ZDHHC17: variants seen among roughly 807,000 people sequenced by gnomAD.
ZDHHC17 encodes the protein palmitoyltransferase ZDHHC17.
Under a neutral mutation model 90.3 loss-of-function variants are expected in ZDHHC17, and 40 were observed. The ratio of observed to expected loss-of-function variants is 0.44; its 90% CI spans 0.34 to 0.58. The LOEUF (loss-of-function observed/expected upper bound fraction) is 0.58. Ranked by LOEUF, ZDHHC17 falls within the 20% of genes least tolerant of loss-of-function variation. The pLI is 0.01. For synonymous variants in ZDHHC17, 235 were observed against 252.4 expected (o/e 0.93, Z 0.65); for missense variants, 614 against 780.8 (o/e 0.79, Z 2.55).
intron 9 of ZDHHC17, among the ~76,000 whole-genome samples, chr12:76,828,113 T>C (rs575957740): frequency 6.6e-6 from 1 of 152,230 alleles, no homozygotes; most frequent in African/African-American, 2.4e-5. Context: ...AGTTATTGAC[T>C]TTAAGAGAAT....
At chr12:76,826,202 A>G (rs1286392119) in intron 8 of ZDHHC17, among the ~76,000 whole-genome samples, 1 of 152,208 alleles carries the variant, frequency 6.6e-6, no homozygotes, top group East Asian at 1.9e-4. Context: ...GGGCTCTTAC[A>G]TGGAAGAGGC....
chr12:76,818,375 A>C (rs1953115602), intron 7 of ZDHHC17, among the ~76,000 whole-genome samples: 2 of 152,218 alleles, frequency 1.3e-5, no homozygotes, highest in African/African-American at 4.8e-5. Context: ...TTCGTTCAGC[A>C]AATTCTTATT....
chr12:76,808,540 G>T (rs957769310), intron 3 of ZDHHC17, among the ~76,000 whole-genome samples: 8 of 152,054 alleles, frequency 5.3e-5, no homozygotes, highest in Non-Finnish European at 1.0e-4. Context: ...TACTAAAGTT[G>T]CTATTTCCTT....
At chr12:76,792,674 TCTGA>T (rs1768525537) in intron 1 of ZDHHC17, among the ~76,000 whole-genome samples, 1 of 152,062 alleles carries the variant, frequency 6.6e-6, no homozygotes, top group Non-Finnish European at 1.5e-5. Flanking sequence ...AAAAAAACCT[TCTGA>T]CTGTCAACTA....
intron 8 of ZDHHC17, among the ~76,000 whole-genome samples, chr12:76,824,596 T>G (rs1227256240): frequency 6.6e-6 from 1 of 152,176 alleles, no homozygotes; most frequent in African/African-American, 2.4e-5. Flanking sequence ...CAATAGTGTT[T>G]TATTTTAAAA....
chr12:76,777,023 C>T (rs1168375177), intron 1 of ZDHHC17, among the ~76,000 whole-genome samples: 2 of 152,124 alleles, frequency 1.3e-5, no homozygotes, highest in Non-Finnish European at 2.9e-5. Flanking sequence ...CCTTGATTCT[C>T]CCAGTGGTAA....
intron 2 of ZDHHC17, among the ~76,000 whole-genome samples, chr12:76,804,711 C>G (rs1952934537): frequency 6.6e-6 from 1 of 152,174 alleles, no homozygotes; most frequent in Non-Finnish European, 1.5e-5. Context: ...CCCCATAGTA[C>G]TCGACCAGTG....
intron 1 of ZDHHC17, chr12:76,764,908 G>C (rs1952414177): frequency 2.2e-6 from 1 of 454,958 alleles, no homozygotes; most frequent in South Asian, 1.6e-5. Flanking sequence ...AAAACTTTTG[G>C]GAATAGACTT....
intron 5 of ZDHHC17, among the ~76,000 whole-genome samples, chr12:76,814,245 A>C (rs1161389455): frequency 1.3e-5 from 2 of 151,962 alleles, no homozygotes; most frequent in African/African-American, 4.8e-5. Context: ...AATAGGTGGA[A>C]GTTTTAGTTA....
At chr12:76,843,157 C>T (rs1032236231) in intron 12 of ZDHHC17, among the ~76,000 whole-genome samples, 176 bp downstream of exon 12, 2 of 152,074 alleles carry the variant, frequency 1.3e-5, no homozygotes, top group African/African-American at 2.4e-5. Context: ...GCTTATTCCT[C>T]GATGGTAGGC....
intron 12 of ZDHHC17, 90 bp downstream of exon 12, chr12:76,843,071 A>AT (rs1592498774): frequency 7.6e-6 from 7 of 923,648 alleles, no homozygotes; most frequent in Non-Finnish European, 1.1e-5. Flanking sequence ...AAAAGGAATA[A>AT]TTATTTTCAA....
intron 5 of ZDHHC17, among the ~76,000 whole-genome samples, chr12:76,812,429 T>C (rs1043622205): frequency 1.3e-5 from 2 of 152,160 alleles, no homozygotes; most frequent in African/African-American, 2.4e-5. Context: ...AGTTTCTCTC[T>C]CTCTCTTCAG....
At chr12:76,788,302 T>C (rs1952715668) in intron 1 of ZDHHC17, among the ~76,000 whole-genome samples, 1 of 152,318 alleles carries the variant, frequency 6.6e-6, no homozygotes, top group Non-Finnish European at 1.5e-5. Flanking sequence ...GGTCAATCAC[T>C]TGGACACACT....
At chr12:76,767,975 T>G (rs150871887) in intron 1 of ZDHHC17, among the ~76,000 whole-genome samples, 2 of 152,134 alleles carry the variant, frequency 1.3e-5, no homozygotes, top group African/African-American at 4.8e-5. Flanking sequence ...CTTACTGTTA[T>G]CATGGTCAAA....
At position 76,845,685 on chromosome 12, in the gene ZDHHC17, A is replaced by G. The variant is rs776290316; in HGVS notation, c.1330-24A>G. The G allele has an allele frequency of 1.1e-5, 15 of 1,349,474 alleles. No homozygotes were observed. The South Asian group carries it at 1.9e-4, about 17-fold the overall frequency. The allele number at this position is 1,349,474 out of a possible 1,614,324, so 83.6% of individuals were successfully genotyped here. On this transcript the variant is annotated intron_variant, in intron 12 of 16. Transcript: ENST00000426126. ...CTCTCTTAGTATAATGCCTTTCATA[A>G]TCCTTTAACATGCCTATTAACAGAT...
At chr12:76,818,338 C>T (rs1953114871) in intron 7 of ZDHHC17, among the ~76,000 whole-genome samples, 1 of 152,190 alleles carries the variant, frequency 6.6e-6, no homozygotes, top group African/African-American at 2.4e-5. Flanking sequence ...TAAGTCTTAT[C>T]ACCTTCTAAT....
chr12:76,801,328 TC>T lies in ZDHHC17; in HGVS notation c.197+3792del, dbSNP rs376993822. On this transcript the variant is annotated intron_variant, in intron 2 of 16. Transcript: ENST00000426126. ...TTCGTGTATGTCCTATAGCTACTTT[TC>T]TTTGCGGATACTATGGATATTACAT... Among the ~76,000 whole-genome samples, 320 of 152,142 alleles carry T rather than the reference TC, an allele frequency of 2.1e-3. 1 individual carries two copies. Among genetic ancestry groups the T allele is most frequent in the Non-Finnish European group, 3.3e-3 (223 of 67,976 alleles).
intron 7 of ZDHHC17, among the ~76,000 whole-genome samples, chr12:76,818,273 A>T (rs2137773544): frequency 6.6e-6 from 1 of 152,336 alleles, no homozygotes; most frequent in Admixed American, 6.5e-5. Context: ...TGAAATGAGT[A>T]TCAAATGCCT....
intron 1 of ZDHHC17, among the ~76,000 whole-genome samples, chr12:76,775,595 TAAA>T (rs1407347945): frequency 4.6e-5 from 7 of 152,146 alleles, no homozygotes; most frequent in African/African-American, 1.2e-4. Flanking sequence ...TTTGAAGTGA[TAAA>T]AAAGCATTCA....
Sources: allele counts gnomAD v4.1 joint callset (sites outside exome capture counted in the v4.1 genomes callset), GRCh38; gene constraint gnomAD v4.1.1; transcripts MANE v1.5; gene names NCBI Gene and HGNC (gene_info 2026-07-23, HGNC 2026-07-21).